Variants in PAMR1 observed in about 807,000 individuals in gnomAD.
PAMR1 encodes the protein inactive serine protease PAMR1.
PAMR1 carries 88 observed loss-of-function variants against 81.8 expected under a neutral mutation model. The observed-to-expected ratio is 1.08, with a 90% CI of 0.91 to 1.28. The LOEUF is 1.28. Ranked by LOEUF, PAMR1 falls within the 50% of genes most tolerant of loss-of-function variation. The probability of loss-of-function intolerance (pLI) is 0.00; values close to 1 mark genes in which losing one functional copy is unlikely to be tolerated. For missense variants in PAMR1, 935 were observed against 919.7 expected (o/e 1.02, Z -0.21); for synonymous variants, 336 against 345.3 (o/e 0.97, Z 0.30).
intron 8 of PAMR1, 100 bp from the exon 9 acceptor site, chr11:35,436,235 C>A: frequency 5.4e-6 from 4 of 736,174 alleles, no homozygotes; most frequent in African/African-American, 3.5e-5. Flanking sequence ...TATTTGTTTA[C>A]AGAAACAGAA....
chr11:35,446,892 T>C (rs1032972651), intron 6 of PAMR1, among the ~76,000 whole-genome samples: 1 of 152,194 alleles, frequency 6.6e-6, no homozygotes, highest in African/African-American at 2.4e-5. Flanking sequence ...AATATCTTTG[T>C]TAATTTTCTG....
At chr11:35,461,801 C>G (rs546932901) in intron 6 of PAMR1, among the ~76,000 whole-genome samples, 1 of 152,056 alleles carries the variant, frequency 6.6e-6, no homozygotes, top group Non-Finnish European at 1.5e-5. Flanking sequence ...AGATGAGAGA[C>G]CCAGGTAATG....
intron 4 of PAMR1, among the ~76,000 whole-genome samples, chr11:35,474,190 T>G (rs1850241921): frequency 6.6e-6 from 1 of 152,244 alleles, no homozygotes; most frequent in South Asian, 2.1e-4. Flanking sequence ...TTAGTTTATT[T>G]GTTGTGGGAT....
chr11:35,473,934 G>A (rs1850236485), intron 4 of PAMR1, among the ~76,000 whole-genome samples: 1 of 152,236 alleles, frequency 6.6e-6, no homozygotes. Context: ...ACTGCAATCA[G>A]AAGGCAGTTC....
At chr11:35,505,797 T>G (rs1158688417) in intron 1 of PAMR1, among the ~76,000 whole-genome samples, 1 of 152,170 alleles carries the variant, frequency 6.6e-6, no homozygotes, top group Non-Finnish European at 1.5e-5. Flanking sequence ...TTGTTTCTTA[T>G]CCATTCAGTC....
At chr11:35,525,462 G>T (rs766348556) in intron 1 of PAMR1, 51 bp downstream of exon 1, 1 of 1,473,506 alleles carries the variant, frequency 6.8e-7, no homozygotes, top group Admixed American at 1.7e-5. Context: ...GGAGGAAAAT[G>T]CTCCCTCCTA....
chr11:35,447,773 G>A (rs1441617344), intron 6 of PAMR1, among the ~76,000 whole-genome samples: 1 of 152,166 alleles, frequency 6.6e-6, no homozygotes, highest in Non-Finnish European at 1.5e-5. Flanking sequence ...TTTTGTAGTG[G>A]CTGGTGACAG....
chr11:35,460,178 C>A (rs548541248), intron 6 of PAMR1, among the ~76,000 whole-genome samples: 1 of 152,280 alleles, frequency 6.6e-6, no homozygotes, highest in South Asian at 2.1e-4. Flanking sequence ...AAGGCAGATA[C>A]CTTTAAGGAA....
At chr11:35,481,169 T>C (rs1165497894) in intron 3 of PAMR1, among the ~76,000 whole-genome samples, 1 of 152,256 alleles carries the variant, frequency 6.6e-6, no homozygotes, top group African/African-American at 2.4e-5. Flanking sequence ...CAAACATACA[T>C]GTGCATATGT....
chr11:35,511,307 C>A lies in PAMR1; in HGVS notation c.73+14206G>T, dbSNP rs181348671. On this transcript the variant is annotated intron_variant, in intron 1 of 10. Coordinates refer to ENST00000619888, the MANE Select transcript of PAMR1 (RefSeq NM_001001991.3). ...GAAGGACAGGAGCAGCAAATGTGCC[C>A]CTCAGGCATCGTCTGCAAGTGCAAT... Among the ~76,000 whole-genome samples the A allele has an allele frequency of 3.9e-5, 6 of 152,312 alleles. No individual in the cohort carries two copies. The East Asian group carries it at 7.7e-4, about 20-fold the overall frequency.
chr11:35,453,657 C>A (rs1435359519), intron 6 of PAMR1, among the ~76,000 whole-genome samples: 1 of 152,108 alleles, frequency 6.6e-6, no homozygotes, highest in Admixed American at 6.5e-5. Context: ...TCTTTTTTTC[C>A]TACTCATTCT....
At chr11:35,461,309 C>T (rs1321759719) in intron 6 of PAMR1, among the ~76,000 whole-genome samples, 2 of 152,210 alleles carry the variant, frequency 1.3e-5, no homozygotes, top group Non-Finnish European at 2.9e-5. Context: ...CTGATGGGTG[C>T]TCTGTTCCCA....
chr11:35,454,723 G>C (rs1516986), intron 6 of PAMR1, among the ~76,000 whole-genome samples: 57,513 of 151,622 alleles, frequency 0.38, 11,461 homozygotes, highest in African/African-American at 0.51. Flanking sequence ...GGGTATCAGG[G>C]TCTGTGTGCA....
At chr11:35,505,671 C>T (rs770619245) in intron 1 of PAMR1, among the ~76,000 whole-genome samples, 6 of 152,010 alleles carry the variant, frequency 3.9e-5, no homozygotes, top group South Asian at 4.1e-4. Context: ...GAAGTATAAC[C>T]ACTCTTGCTC....
intron 1 of PAMR1, among the ~76,000 whole-genome samples, chr11:35,504,101 A>C (rs1393475382): frequency 6.6e-6 from 1 of 152,118 alleles, no homozygotes; most frequent in Non-Finnish European, 1.5e-5. Flanking sequence ...GAATTTTATC[A>C]AATGCTTTTT....
chr11:35,493,525 G>C (rs1160899448), intron 2 of PAMR1, among the ~76,000 whole-genome samples: 1 of 152,010 alleles, frequency 6.6e-6, no homozygotes, highest in African/African-American at 2.4e-5. Context: ...CAAAACCCAT[G>C]CTTCCTCTTG....
intron 6 of PAMR1, 77 bp from the exon 7 acceptor site, chr11:35,441,770 C>T (rs1856175836): frequency 4.2e-6 from 4 of 957,566 alleles, no homozygotes; most frequent in Non-Finnish European, 6.2e-6. Flanking sequence ...TTTCATGTTT[C>T]ATTGAACTAA....
intron 6 of PAMR1, among the ~76,000 whole-genome samples, chr11:35,448,733 A>C (rs1433567063): frequency 6.6e-6 from 1 of 151,684 alleles, no homozygotes; most frequent in African/African-American, 2.4e-5. Flanking sequence ...TGGCTTTTTA[A>C]ATTTTCAGCA....
chr11:35,449,269 G>A (rs116018194), intron 6 of PAMR1, among the ~76,000 whole-genome samples: 1,824 of 151,554 alleles, frequency 0.012, 46 homozygotes, highest in African/African-American at 0.041. Context: ...GATCATGACT[G>A]CCTCCCCACA....
Sources: allele counts gnomAD v4.1 joint callset (sites outside exome capture counted in the v4.1 genomes callset), GRCh38; gene constraint gnomAD v4.1.1; transcripts MANE v1.5; gene names NCBI Gene and HGNC (gene_info 2026-07-23, HGNC 2026-07-21).